ZFP91: variants seen among roughly 807,000 people sequenced by gnomAD.
The protein encoded by ZFP91 is ZFP91 zinc finger protein, atypical E3 ubiquitin ligase, also known as E3 ubiquitin-protein ligase ZFP91.
Under a neutral mutation model 63.5 loss-of-function variants are expected in ZFP91, and 7 were observed. That is an observed-to-expected ratio of 0.11 (90% CI 0.06 to 0.21). ZFP91 has a LOEUF of 0.21. ZFP91 is among the 10% of genes least tolerant of loss of function. The pLI is 1.00. For synonymous variants in ZFP91, 330 were observed against 272.1 expected (o/e 1.21, Z -2.10); for missense variants, 628 against 736.6 (o/e 0.85, Z 1.71).
Position 58,579,589 on chromosome 11 carries a change from C to T in ZFP91, c.308C>T (p.Ser103Phe), listed in dbSNP as rs572356320. The part of the protein sequence containing the change: ...GQQPQAAKSP[S>F]PVQGKKSPRL... Reference sequence around the variant, plus strand: ...CAGCCCCAGGCCGCGAAGTCCCCGTCTCCAGTTCAGGGCAAGAAGAGTCCG... The same window carrying T: ...CAGCCCCAGGCCGCGAAGTCCCCGTTTCCAGTTCAGGGCAAGAAGAGTCCG... Residue 103 changes from serine to phenylalanine, a missense_variant, in exon 1 of 11, where the codon TCT becomes TTT. By Grantham distance (155) the Ser-to-Phe change is radical. Around this residue, in one of 3 missense-constraint regions of ZFP91, gnomAD observed 437 missense variants for 380.3 expected, o/e 1.15. Transcript: ENST00000316059. 6 of 1,581,478 alleles carry T rather than the reference C, an allele frequency of 3.8e-6. No homozygotes were observed. The highest frequency in any genetic ancestry group is 1.7e-4 in the Middle Eastern group (1 of 5,918).
intron 2 of ZFP91, among the ~76,000 whole-genome samples, chr11:58,587,147 G>T (rs1174295103): frequency 6.6e-6 from 1 of 152,016 alleles, no homozygotes; most frequent in Non-Finnish European, 1.5e-5. Context: ...TTTTCAAACT[G>T]AAATAATAAA....
At chr11:58,591,005 A>G (rs1200049284) in intron 2 of ZFP91, among the ~76,000 whole-genome samples, 2 of 152,166 alleles carry the variant, frequency 1.3e-5, no homozygotes, top group South Asian at 4.1e-4. Flanking sequence ...AGACATATAC[A>G]TGTACTCTTG....
chr11:58,616,959 G>A, intron 10 of ZFP91, 144 bp downstream of exon 10: 1 of 894,012 alleles, frequency 1.1e-6, no homozygotes. Context: ...GCATTAGTTA[G>A]TAGCCTTTTT....
At chr11:58,589,104 T>C (rs991735928) in intron 2 of ZFP91, among the ~76,000 whole-genome samples, 6 of 152,084 alleles carry the variant, frequency 3.9e-5, no homozygotes, top group Admixed American at 3.3e-4. Flanking sequence ...CAGGGTCTCA[T>C]TTTATTGCCC....
At chr11:58,581,222 C>T (rs1165099785) in intron 1 of ZFP91, among the ~76,000 whole-genome samples, 1 of 145,068 alleles carries the variant, frequency 6.9e-6, no homozygotes, top group Non-Finnish European at 1.6e-5. Context: ...GATTTTTTCA[C>T]TCTTTAATAT....
intron 4 of ZFP91, 57 bp downstream of exon 4, chr11:58,610,391 G>A: frequency 6.8e-6 from 10 of 1,465,718 alleles, no homozygotes; most frequent in Non-Finnish European, 9.1e-6. Context: ...CATAGTCACA[G>A]TAAATGATTC....
chr11:58,611,978 G>A, intron 6 of ZFP91: 1 of 533,868 alleles, frequency 1.9e-6, no homozygotes, highest in Non-Finnish European at 3.3e-6. Context: ...AGTGTTTTTA[G>A]ATGATACATG....
rs779385361 is a variant in ZFP91, at chr11:58,579,313, C to T, written c.32C>T (p.Pro11Leu). 1 of 1,491,614 alleles carries T rather than the reference C, an allele frequency of 6.7e-7. No individual in the cohort carries two copies. The highest frequency in any genetic ancestry group is 1.3e-5 in the South Asian group (1 of 79,050). The allele number at this position is 1,491,614 out of a possible 1,614,324, so 92.4% of individuals were successfully genotyped here. MPGETEEPRPPEQQDQEGGEA... is the reference protein window; with the variant it reads MPGETEEPRPLEQQDQEGGEA... ...GGGGAGACGGAAGAGCCGAGACCCC[C>T]GGAGCAGCAGGACCAGGAAGGGGGA... Residue 11 changes from proline to leucine, a missense_variant, in exon 1 of 11, where the codon CCG (proline) becomes CTG (leucine). By Grantham distance (98) the Pro-to-Leu change is moderately conservative (BLOSUM62 -3). Coordinates refer to ENST00000316059, the MANE Select transcript of ZFP91 (RefSeq NM_053023.5).
At chr11:58,597,901 C>G (rs1855428728) in intron 2 of ZFP91, among the ~76,000 whole-genome samples, 1 of 152,148 alleles carries the variant, frequency 6.6e-6, no homozygotes, top group Admixed American at 6.5e-5. Context: ...TCCAGTATCA[C>G]TAGTGGCAAC....
At chr11:58,583,069 A>T (rs1855146074) in intron 1 of ZFP91, among the ~76,000 whole-genome samples, 1 of 152,116 alleles carries the variant, frequency 6.6e-6, no homozygotes, top group South Asian at 2.1e-4. Context: ...TTAATTTTTG[A>T]AGTAAAATCT....
intron 2 of ZFP91, among the ~76,000 whole-genome samples, chr11:58,606,423 A>G (rs1399090533): frequency 6.6e-6 from 1 of 152,022 alleles, no homozygotes; most frequent in Non-Finnish European, 1.5e-5. Context: ...TTGTCGAGAC[A>G]TATTTCTTCT....
intron 2 of ZFP91, among the ~76,000 whole-genome samples, chr11:58,602,214 C>T (rs889523738): frequency 1.1e-4 from 17 of 152,138 alleles, no homozygotes; most frequent in Admixed American, 7.2e-4. Flanking sequence ...TGAGCCACTG[C>T]GCCTGGCCCA....
chr11:58,590,385 A>C (rs1186641356), intron 2 of ZFP91, among the ~76,000 whole-genome samples: 2 of 152,196 alleles, frequency 1.3e-5, no homozygotes, highest in East Asian at 3.8e-4. Flanking sequence ...TTTATTATTT[A>C]CTGGTTGGGC....
intron 2 of ZFP91, among the ~76,000 whole-genome samples, chr11:58,594,927 C>T (rs955212920): frequency 3.9e-5 from 6 of 152,098 alleles, no homozygotes; most frequent in African/African-American, 1.4e-4. Context: ...ATAATTCTTA[C>T]AGGTGTTTCA....
At chr11:58,605,936 A>G (rs1393712313) in intron 2 of ZFP91, among the ~76,000 whole-genome samples, 1 of 150,490 alleles carries the variant, frequency 6.6e-6, no homozygotes, top group African/African-American at 2.5e-5. Flanking sequence ...TTTTTTCTTT[A>G]TATTCTTCAT....
chr11:58,599,531 C>G (rs992654082), intron 2 of ZFP91, among the ~76,000 whole-genome samples: 1 of 151,882 alleles, frequency 6.6e-6, no homozygotes, highest in Non-Finnish European at 1.5e-5. Context: ...TTTTAGTTAG[C>G]CATTGTAGTA....
At chr11:58,595,712 G>A (rs772830202) in intron 2 of ZFP91, among the ~76,000 whole-genome samples, 4 of 151,642 alleles carry the variant, frequency 2.6e-5, no homozygotes, top group Non-Finnish European at 5.9e-5. Context: ...TGAGTAGCTG[G>A]GACTGGTGTG....
chr11:58,579,953 AT>A, intron 1 of ZFP91, among the ~76,000 whole-genome samples: 1 of 151,892 alleles, frequency 6.6e-6, no homozygotes, highest in South Asian at 2.1e-4. Context: ...TTGTCACCCT[AT>A]CCCTTTCCTT....
At chr11:58,601,188 CT>C (rs1220276750) in intron 2 of ZFP91, among the ~76,000 whole-genome samples, 1 of 152,164 alleles carries the variant, frequency 6.6e-6, no homozygotes, top group Non-Finnish European at 1.5e-5. Context: ...GGAGTTAATT[CT>C]TTAAATGTGT....
Sources: allele counts gnomAD v4.1 joint callset (sites outside exome capture counted in the v4.1 genomes callset), GRCh38; gene constraint gnomAD v4.1.1; regional missense constraint gnomAD v4.1.1; transcripts MANE v1.5; gene names NCBI Gene and HGNC (gene_info 2026-07-23, HGNC 2026-07-21).